MDGA2: variants seen among roughly 807,000 people sequenced by gnomAD.
The protein encoded by MDGA2 is MAM domain containing glycosylphosphatidylinositol anchor 2.
A neutral mutation model predicts 117.8 loss-of-function variants in MDGA2; 40 were observed. That is an observed-to-expected ratio of 0.34 (90% CI 0.26 to 0.44). The LOEUF is 0.44. MDGA2 is among the 20% of genes least tolerant of loss of function. MDGA2 has a pLI of 1.00. For missense variants in MDGA2, 1,123 were observed against 1,250.6 expected (o/e 0.90, Z 1.54); for synonymous variants, 452 against 439.0 (o/e 1.03, Z -0.37).
chr14:47,404,815 A>G (rs1892228130), intron 1 of MDGA2, among the ~76,000 whole-genome samples: 1 of 152,028 alleles, frequency 6.6e-6, no homozygotes. Flanking sequence ...TTTAAGCTAT[A>G]ATAGGATTGT....
At chr14:47,538,117 T>A (rs1895261111) in intron 1 of MDGA2, among the ~76,000 whole-genome samples, 1 of 152,212 alleles carries the variant, frequency 6.6e-6, no homozygotes, top group South Asian at 2.1e-4. Flanking sequence ...TAAGTCCTAA[T>A]TATTTAAAAG....
chr14:47,002,545 T>C (rs1887569343), intron 8 of MDGA2, among the ~76,000 whole-genome samples: 1 of 151,964 alleles, frequency 6.6e-6, no homozygotes, highest in African/African-American at 2.4e-5. Context: ...CTGACCAATA[T>C]GGCAAAACCC....
At chr14:47,156,955 T>C (rs1394081481) in intron 3 of MDGA2, among the ~76,000 whole-genome samples, 1 of 152,226 alleles carries the variant, frequency 6.6e-6, no homozygotes, top group African/African-American at 2.4e-5. Flanking sequence ...GCTAATTATA[T>C]GCATATGTCT....
chr14:47,141,458 A>G (rs538004619), intron 4 of MDGA2, among the ~76,000 whole-genome samples: 2 of 152,346 alleles, frequency 1.3e-5, no homozygotes, highest in East Asian at 1.9e-4. Flanking sequence ...AATACTATTC[A>G]GCTATGAAAT....
chr14:47,454,974 C>T (rs1793723990), intron 1 of MDGA2, among the ~76,000 whole-genome samples: 1 of 152,190 alleles, frequency 6.6e-6, no homozygotes, highest in South Asian at 2.1e-4. Flanking sequence ...GTGGATATAA[C>T]AGTGTGATTG....
chr14:47,264,108 C>T (rs1199182241), intron 2 of MDGA2, among the ~76,000 whole-genome samples: 1 of 152,130 alleles, frequency 6.6e-6, no homozygotes, highest in Non-Finnish European at 1.5e-5. Context: ...AATTTAATAA[C>T]TGCAATTGTT....
At chr14:47,366,363 A>G (rs955806347) in intron 1 of MDGA2, among the ~76,000 whole-genome samples, 9 of 152,264 alleles carry the variant, frequency 5.9e-5, no homozygotes, top group African/African-American at 2.2e-4. Flanking sequence ...AGTCTGAAAA[A>G]AAAAAATACA....
intron 1 of MDGA2, among the ~76,000 whole-genome samples, chr14:47,397,797 C>T (rs528830124): frequency 6.6e-6 from 1 of 152,148 alleles, no homozygotes; most frequent in Non-Finnish European, 1.5e-5. Flanking sequence ...ATTCTGGATA[C>T]AAGGAGGTAA....
intron 6 of MDGA2, among the ~76,000 whole-genome samples, chr14:47,088,145 C>G (rs1890977290): frequency 6.6e-6 from 1 of 151,876 alleles, no homozygotes; most frequent in Admixed American, 6.6e-5. Flanking sequence ...TTTTAATGAA[C>G]AAGGATAAGT....
chr14:47,287,890 T>A (rs1446423296), intron 2 of MDGA2, among the ~76,000 whole-genome samples: 1 of 152,062 alleles, frequency 6.6e-6, no homozygotes, highest in African/African-American at 2.4e-5. Context: ...AAGCATGTGA[T>A]AACAGAGGCA....
chr14:47,259,287 C>G (rs986282756), intron 2 of MDGA2, among the ~76,000 whole-genome samples: 1 of 152,026 alleles, frequency 6.6e-6, no homozygotes, highest in Non-Finnish European at 1.5e-5. Flanking sequence ...AAACTATACA[C>G]ATACAGGTTT....
chr14:47,213,588 C>G (rs959399542), intron 3 of MDGA2, among the ~76,000 whole-genome samples: 1 of 149,952 alleles, frequency 6.7e-6, no homozygotes, highest in Non-Finnish European at 1.5e-5. Context: ...ATTTTCTTAT[C>G]TTCTTACGTA....
At chr14:47,672,565 C>T (rs554164116) in intron 1 of MDGA2, among the ~76,000 whole-genome samples, 1 of 152,280 alleles carries the variant, frequency 6.6e-6, no homozygotes, top group South Asian at 2.1e-4. Flanking sequence ...ACCACTGTCT[C>T]CCCACGTCCC....
At chr14:47,161,406 T>G (rs1883627187) in intron 3 of MDGA2, among the ~76,000 whole-genome samples, 3 of 152,052 alleles carry the variant, frequency 2.0e-5, no homozygotes, top group Admixed American at 6.6e-5. Context: ...GTTTAAAATG[T>G]CCAAGAAGAA....
chr14:46,923,137 C>A (rs1884197006), intron 9 of MDGA2, among the ~76,000 whole-genome samples: 1 of 152,094 alleles, frequency 6.6e-6, no homozygotes, highest in Admixed American at 6.6e-5. Context: ...GATCCATTTT[C>A]AAGGTAGTAA....
intron 2 of MDGA2, among the ~76,000 whole-genome samples, chr14:47,233,477 A>T (rs957778469): frequency 6.6e-6 from 1 of 152,064 alleles, no homozygotes; most frequent in African/African-American, 2.4e-5. Flanking sequence ...ACTGTCCTTG[A>T]TTTCTTAAAA....
At chr14:47,533,017 G>A (rs1437401189) in intron 1 of MDGA2, among the ~76,000 whole-genome samples, 5 of 152,162 alleles carry the variant, frequency 3.3e-5, no homozygotes, top group Non-Finnish European at 5.9e-5. Context: ...TTACAGCTCC[G>A]TTGAAGTCAG....
intron 1 of MDGA2, among the ~76,000 whole-genome samples, chr14:47,652,039 T>C (rs1472213997): frequency 6.6e-6 from 1 of 152,080 alleles, no homozygotes; most frequent in Non-Finnish European, 1.5e-5. Flanking sequence ...AGTTTAAAAG[T>C]TGGCAGACAG....
chr14:47,062,530 T>C (rs559602750), intron 6 of MDGA2, among the ~76,000 whole-genome samples: 26 of 151,462 alleles, frequency 1.7e-4, no homozygotes, highest in African/African-American at 6.3e-4. Context: ...CTTCCCCATT[T>C]CCCTCTCCTT....
Sources: gnomAD v4.1 joint callset for allele counts (sites outside exome capture counted in the v4.1 genomes callset) on GRCh38, gnomAD v4.1.1 for gene constraint, MANE v1.5 for transcripts, NCBI Gene and HGNC (gene_info 2026-07-23, HGNC 2026-07-21) for gene names.